Variants in GPR137 observed in about 807,000 individuals in gnomAD.
The protein encoded by GPR137 is G protein-coupled receptor 137.
Under a neutral mutation model 38.9 loss-of-function variants are expected in GPR137, and 20 were observed. The observed-to-expected ratio is 0.51, with a 90% CI of 0.36 to 0.75. The LOEUF is 0.75. Ranked by LOEUF, GPR137 falls within the 30% of genes least tolerant of loss-of-function variation. GPR137 has a pLI of 0.00. For synonymous variants in GPR137, 226 were observed against 235.8 expected (o/e 0.96, Z 0.38); for missense variants, 456 against 526.4 (o/e 0.87, Z 1.31).
chr11:64,288,131 T>G lies in GPR137; in HGVS notation c.700T>G (p.Cys234Gly). ...GGTCCTGCTCTATGCCAGCCGGGCC[T>G]GCTACAACCTGACAGCACTGGCCTT... ...AMVLLYASRACYNLTALALAP... is the reference protein window; with the variant it reads ...AMVLLYASRAGYNLTALALAP... Residue 234 changes from cysteine to glycine, a missense_variant, in exon 4 of 7, where the codon TGC becomes GGC. Transcript: ENST00000438980. This position sits in a 1 kb window ranked among gnomAD's most constrained non-coding sequence, Gnocchi z 5.5. 1 of 1,612,878 alleles carries G rather than the reference T, an allele frequency of 6.2e-7. No homozygotes were observed. Among genetic ancestry groups the G allele is most frequent in the South Asian group, 1.1e-5 (1 of 91,086 alleles).
Position 64,287,811 on chromosome 11 carries a change from A to G in GPR137, c.498A>G (p.Ala166=), listed in dbSNP as rs775877616. 1 of 1,607,090 alleles carries G rather than the reference A, an allele frequency of 6.2e-7. No homozygotes were observed. Among genetic ancestry groups the G allele is most frequent in the South Asian group, 1.1e-5 (1 of 91,076 alleles). ...LCAVLSHRRR[A]QPWALLLVRV... is the part of the protein sequence containing the mutation. ...CTGTGCTCTCCCATCGGCGCCGGGC[A>G]CAGCCCTGGGCCCTGCTGCTTGTCC... Residue 166 remains alanine, a synonymous_variant, in exon 3 of 7, where the codon GCA becomes GCG. Coordinates refer to ENST00000438980, the MANE Select transcript of GPR137 (RefSeq NM_001170880.2).
At chr11:64,273,154 A>C (rs2032767775), upstream of GPR137, among the ~76,000 whole-genome samples, 1 of 151,806 alleles carries the variant, frequency 6.6e-6, no homozygotes. Context: ...GGATCACCTG[A>C]GGTCAGAAGT....
chr11:64,284,850 C>T (rs1356014626), upstream of GPR137: 7 of 1,503,738 alleles, frequency 4.7e-6, no homozygotes, highest in African/African-American at 9.7e-5. Context: ...TTCCTCCCTC[C>T]TTCGGCCCCG....
upstream of GPR137, chr11:64,271,594 G>A: frequency 1.4e-6 from 2 of 1,411,720 alleles, no homozygotes; most frequent in East Asian, 2.9e-5. Flanking sequence ...GTCCTGGCAC[G>A]CTGGGGACTG....
intron 2 of GPR137, chr11:64,277,089 C>T (rs2033123836): frequency 1.5e-6 from 1 of 685,882 alleles, no homozygotes; most frequent in South Asian, 1.6e-5. Flanking sequence ...TTACAAGACA[C>T]TTGCACACTG....
intron 2 of GPR137, chr11:64,276,932 G>A: frequency 1.3e-6 from 1 of 761,388 alleles, no homozygotes; most frequent in Non-Finnish European, 2.4e-6. Flanking sequence ...TGCGTGTTGG[G>A]CTTCTGAGTC....
upstream of GPR137, among the ~76,000 whole-genome samples, chr11:64,279,494 C>T (rs1052338215): frequency 8.5e-5 from 13 of 152,338 alleles, no homozygotes; most frequent in Admixed American, 2.6e-4. Context: ...CGGCCAGACG[C>T]GGTGGCTCAT....
At chr11:64,275,523 C>A (rs1463277272), upstream of GPR137, among the ~76,000 whole-genome samples, 1 of 152,172 alleles carries the variant, frequency 6.6e-6, no homozygotes, top group Non-Finnish European at 1.5e-5. Flanking sequence ...AAGCCCCCTA[C>A]CGGCCCCTCA....
chr11:64,284,729 G>C (rs1009043121), upstream of GPR137: 2 of 1,535,710 alleles, frequency 1.3e-6, no homozygotes, highest in Non-Finnish European at 1.7e-6. Context: ...AACTGTCAGC[G>C]ACCTGGCCCA....
chr11:64,275,785 G>A (rs1196739960), intron 1 of GPR137: 3 of 151,946 alleles, frequency 2.0e-5, no homozygotes, highest in Admixed American at 6.6e-5. Flanking sequence ...CCAGGCACTT[G>A]GCCTGGGCAC....
chr11:64,286,304 T>G lies in GPR137; in HGVS notation c.-221T>G. ...CTGGAGAAAAGAGACTGCCCTTCCA[T>G]GCCCCTGAGTGAGGGGCCTGGGGCC... On this transcript the variant is annotated 5_prime_UTR_variant, in exon 1 of 7. An upstream start codon of the reference 5' UTR is lost. Coordinates refer to ENST00000438980, the MANE Select transcript of GPR137 (RefSeq NM_001170880.2). The G allele has an allele frequency of 7.1e-7, 1 of 1,398,854 alleles. No homozygotes were observed. 86.7% of individuals were successfully genotyped at this position (1,398,854 alleles called of 1,614,324 possible).
chr11:64,286,910 C>T (rs1204211467), intron 1 of GPR137, 29 bp downstream of exon 1: 13 of 1,607,732 alleles, frequency 8.1e-6, no homozygotes, highest in East Asian at 2.2e-5. Context: ...GGGTGGGGGG[C>T]GGGAGGTGGC....
At position 64,288,818 on chromosome 11, in the gene GPR137, TC is replaced by T; in HGVS notation, c.1031+99del. On this transcript the variant is annotated intron_variant, in intron 6 of 6. Coordinates refer to ENST00000438980, the MANE Select transcript of GPR137 (RefSeq NM_001170880.2). This position sits in a 1 kb window ranked among gnomAD's most constrained non-coding sequence, Gnocchi z 5.5. ...GGACCGAGATAGCCGGGTCTTGCCTTCCACCCCTGCCATGGCCTTTGCTTCC... is the reference window on the plus strand; with the variant it reads ...GGACCGAGATAGCCGGGTCTTGCCTTCACCCCTGCCATGGCCTTTGCTTCC... 1 of 1,450,328 alleles carries T rather than the reference TC, an allele frequency of 6.9e-7. No homozygotes were observed. Among genetic ancestry groups the T allele is most frequent in the Non-Finnish European group, 9.0e-7 (1 of 1,106,266 alleles). The allele number at this position is 1,450,328 out of a possible 1,614,324, so 89.8% of individuals were successfully genotyped here.
chr11:64,279,549 G>A (rs1255478078), upstream of GPR137, among the ~76,000 whole-genome samples: 11 of 150,778 alleles, frequency 7.3e-5, no homozygotes, highest in East Asian at 2.2e-3. Flanking sequence ...GGTGGATCAC[G>A]AGGTCAGGAA....
In GPR137 at chr11:64,289,295, G is replaced by T. The variant is rs2034523698; in HGVS notation, c.*99G>T. 5 of 1,613,236 alleles carry T rather than the reference G, an allele frequency of 3.1e-6. No homozygotes were observed. The highest frequency in any genetic ancestry group is 3.4e-6 in the Non-Finnish European group (4 of 1,179,854). On this transcript the variant is annotated 3_prime_UTR_variant, in exon 7 of 7. Transcript: ENST00000438980. ...CCGCTTCTTGCCCAGGATCCTGGGG[G>T]TCGTGGCTACCCCCTCCTCTGGCCG...
chr11:64,289,115 G>A lies in GPR137; in HGVS notation c.1110G>A (p.Thr370=), dbSNP rs373825093. The change falls in exon 7 of 7, where the codon ACG becomes ACA. Residue 370 remains threonine (T), a synonymous_variant. Transcript: ENST00000438980. ...REPGWYGGSQ[T]KTTPLLFSQV... is the part of the protein sequence containing the mutation. ...CGGGCTGGTATGGGGGCAGCCAGAC[G>A]AAGACCACTCCTCTGCTCTTCTCCC... The A allele has an allele frequency of 5.0e-6, 8 of 1,613,030 alleles. No homozygotes were observed. The highest frequency in any genetic ancestry group is 6.8e-6 in the Non-Finnish European group (8 of 1,179,824).
At position 64,285,944 on chromosome 11, in the gene GPR137, T is replaced by C; in HGVS notation, c.-581T>C. ...GAGGACCTGGCGTCCGCCTCCTCCC[T>C]CCCCTTGAGGCTGGAGCGTGGACGC... On this transcript the variant is annotated 5_prime_UTR_variant, in exon 1 of 7. Coordinates refer to ENST00000438980, the MANE Select transcript of GPR137 (RefSeq NM_001170880.2). 3 of 886,044 alleles carry C rather than the reference T, an allele frequency of 3.4e-6. No homozygotes were observed. In the South Asian group the frequency reaches 1.6e-4, roughly 47 times the overall value. 54.9% of individuals were successfully genotyped at this position (886,044 alleles called of 1,614,324 possible).
chr11:64,287,156 C>A (rs1367089200), intron 2 of GPR137, 142 bp downstream of exon 2: 2 of 1,467,852 alleles, frequency 1.4e-6, no homozygotes, highest in Non-Finnish European at 1.8e-6. Context: ...AGTTAAAGCA[C>A]CTGGCGCAGA....
chr11:64,287,389 T>C, intron 2 of GPR137: 1 of 880,854 alleles, frequency 1.1e-6, no homozygotes, highest in South Asian at 5.2e-5. Context: ...CAGCCATCTT[T>C]TATTTGTACA....
Sources: gnomAD v4.1 joint callset for allele counts (sites outside exome capture counted in the v4.1 genomes callset) on GRCh38, gnomAD v4.1.1 for gene constraint, Gnocchi (gnomAD v3.1) non-coding constraint, MANE v1.5 for transcripts, NCBI Gene and HGNC (gene_info 2026-07-23, HGNC 2026-07-21) for gene names.